Variants in ANKRD30A observed in about 807,000 individuals in gnomAD.
ANKRD30A encodes the protein ankyrin repeat domain-containing protein 30A.
ANKRD30A carries 170 observed loss-of-function variants against 166.3 expected under a neutral mutation model. That is an observed-to-expected ratio of 1.02 (90% CI 0.90 to 1.16). The LOEUF (loss-of-function observed/expected upper bound fraction) is 1.16. ANKRD30A is among the 50% of genes most tolerant of loss of function. The probability of loss-of-function intolerance (pLI) is 0.00; values close to 1 mark genes in which losing one functional copy is unlikely to be tolerated. For synonymous variants in ANKRD30A, 564 were observed against 508.9 expected, an observed-to-expected ratio of 1.11 and a Z score of -1.46; for missense variants, 1,630 against 1,518.0, an observed-to-expected ratio of 1.07 and a Z score of -1.23.
chr10:37,231,339 C>A, intron 34 of ANKRD30A, 122 bp from the exon 35 acceptor site: 2 of 683,262 alleles, frequency 2.9e-6, no homozygotes, highest in Non-Finnish European at 4.5e-6. Context: ...ATTGTTAAAG[C>A]ACGGCTTAAT....
At chr10:37,264,975 C>G in the ANKRD30A span, among the ~76,000 whole-genome samples, 1 of 152,060 alleles carries the variant, frequency 6.6e-6, no homozygotes, top group Non-Finnish European at 1.5e-5. Context: ...GAAACTGGAG[C>G]TATTTTGAGT....
chr10:37,177,986 C>A (rs1485409580), intron 24 of ANKRD30A, among the ~76,000 whole-genome samples: 4 of 149,998 alleles, frequency 2.7e-5, no homozygotes, highest in Admixed American at 1.3e-4. Context: ...TATTCCAAGA[C>A]GTGAGGAAAA....
At chr10:37,153,371 A>G (rs925960685) in intron 12 of ANKRD30A, among the ~76,000 whole-genome samples, 5 of 152,188 alleles carry the variant, frequency 3.3e-5, no homozygotes, top group African/African-American at 1.2e-4. Context: ...ACATGAATGT[A>G]AAGATCAGCT....
chr10:37,130,685 T>C (rs756571511), intron 3 of ANKRD30A, among the ~76,000 whole-genome samples: 1 of 152,158 alleles, frequency 6.6e-6, no homozygotes, highest in Admixed American at 6.5e-5. Context: ...AAAGCAAAAA[T>C]TGCCTGCATA....
Position 37,197,430 on chromosome 10 carries a change from C to T in ANKRD30A, c.2666C>T (p.Ser889Phe), listed in dbSNP as rs1841223262. The change falls in exon 29 of 36, where the codon TCT becomes TTT. Residue 889 changes from serine to phenylalanine, a missense_variant. Physicochemically the swap from Ser to Phe is radical, Grantham distance 155. This residue lies in a region of ANKRD30A where 712 missense variants were observed against 629.3 expected (regional missense o/e 1.13). Coordinates refer to ENST00000361713, the MANE Select transcript of ANKRD30A (RefSeq NM_052997.3). ...AFEPAIEMQK[S>F]VPNKALELKN... ...TAGCCTGCCATTGAAATGCAAAAGT[C>T]TGTTCCAAATAAAGCCTTGGAATTG... The T allele has an allele frequency of 1.4e-5, 23 of 1,612,628 alleles. No individual in the cohort carries two copies. Among genetic ancestry groups the T allele is most frequent in the Non-Finnish European group, 1.7e-5 (20 of 1,179,698 alleles).
rs529204518 is a variant in ANKRD30A at position 37,171,979 on chromosome 10, A to G, written c.2258-1733A>G. 8.6e-3 allele frequency among the ~76,000 whole-genome samples: 1,247 copies of G among 144,736 alleles called. 56 individuals carry two copies. The highest frequency in any genetic ancestry group is 0.031 in the African/African-American group (1,203 of 38,392). The allele number at this position is 144,736 out of a possible 152,430, so 95.0% of individuals were successfully genotyped here. ...TTGTCACTCCAGCAGTTTTATATTT[A>G]AAGTATACCTAATATAGTTGTCAAC... On this transcript the variant is annotated intron_variant, in intron 21 of 35. Coordinates refer to ENST00000361713, the MANE Select transcript of ANKRD30A (RefSeq NM_052997.3).
At chr10:37,178,794 T>A (rs1481668476) in intron 24 of ANKRD30A, among the ~76,000 whole-genome samples, 1 of 150,642 alleles carries the variant, frequency 6.6e-6, no homozygotes, top group Non-Finnish European at 1.5e-5. Context: ...GCAGAGAGAT[T>A]GTGAGGCAGG....
chr10:37,213,557 T>A (rs1271134881), intron 31 of ANKRD30A, among the ~76,000 whole-genome samples: 1 of 133,232 alleles, frequency 7.5e-6, no homozygotes, highest in Non-Finnish European at 1.6e-5. Flanking sequence ...CTTCTTCTTC[T>A]TTTTTTTTTT....
At chr10:37,232,697 T>TATATATATATAGAGAGAGAGAGAG (rs1273812991), downstream of ANKRD30A, 2 of 78,400 alleles carry the variant, frequency 2.6e-5, no homozygotes, top group African/African-American at 9.8e-5. Context: ...TATATATAAA[T>TATATATATATAGAGAGAGAGAGAG]AGAGAGAGAG....
chr10:37,179,013 AATATATATATATATATATATAT>A (rs139390228), intron 24 of ANKRD30A, among the ~76,000 whole-genome samples: 3,446 of 116,986 alleles, frequency 0.029, 43 homozygotes, highest in African/African-American at 0.057. Context: ...TGAGGCGTCA[AATATATATATATATATATATAT>A]ATATATATAT....
At chr10:37,152,593 T>C (rs533830483) in intron 12 of ANKRD30A, among the ~76,000 whole-genome samples, 1 of 152,226 alleles carries the variant, frequency 6.6e-6, no homozygotes, top group Admixed American at 6.5e-5. Flanking sequence ...TATTGTTCAG[T>C]ATAGATCTGA....
At chr10:37,143,932 G>A (rs1037795891) in intron 7 of ANKRD30A, among the ~76,000 whole-genome samples, 10 of 71,816 alleles carry the variant, frequency 1.4e-4, no homozygotes, top group Admixed American at 4.3e-4. Flanking sequence ...TTTTTTTTTT[G>A]TCACCAATCT....
intron 34 of ANKRD30A, among the ~76,000 whole-genome samples, chr10:37,224,829 T>G (rs1195495868): frequency 6.6e-6 from 1 of 151,602 alleles, no homozygotes; most frequent in Non-Finnish European, 1.5e-5. Flanking sequence ...AACTGCCTGT[T>G]TCCTTTTCCC....
rs558014233 is a variant in ANKRD30A at position 37,152,138 on chromosome 10, AT to A, written c.1707+26del. 222 of 1,562,198 alleles carry A rather than the reference AT, an allele frequency of 1.4e-4. 1 individual carries two copies. The highest frequency in any genetic ancestry group is 2.5e-4 in the South Asian group (22 of 87,412). ...GATTCTGAGGTACTATGTGTTATTG[AT>A]TTTTTTTTAATATTAGTATTGCATG... On this transcript the variant is annotated intron_variant, in intron 12 of 35. Coordinates refer to ENST00000361713, the MANE Select transcript of ANKRD30A (RefSeq NM_052997.3).
chr10:37,222,242 A>G (rs556242311), intron 34 of ANKRD30A, among the ~76,000 whole-genome samples: 24 of 151,322 alleles, frequency 1.6e-4, no homozygotes, highest in African/African-American at 5.8e-4. Context: ...TCTCTTAGTC[A>G]TCACCACCGC....
At chr10:37,195,163 T>C (rs1840975398) in intron 27 of ANKRD30A, among the ~76,000 whole-genome samples, 1 of 152,216 alleles carries the variant, frequency 6.6e-6, no homozygotes, top group African/African-American at 2.4e-5. Context: ...TTTTCAAAAA[T>C]GCATAAGGTT....
chr10:37,166,426 G>A (rs1409394111), intron 18 of ANKRD30A, among the ~76,000 whole-genome samples, 179 bp from the exon 19 acceptor site: 1 of 151,990 alleles, frequency 6.6e-6, no homozygotes, highest in Non-Finnish European at 1.5e-5. Flanking sequence ...GATGTAGAGA[G>A]GGTTATGTGA....
At chr10:37,197,678 C>T (rs531707038) in intron 29 of ANKRD30A, among the ~76,000 whole-genome samples, 198 bp downstream of exon 29, 1 of 151,866 alleles carries the variant, frequency 6.6e-6, no homozygotes, top group African/African-American at 2.4e-5. Flanking sequence ...AAAAATGTAG[C>T]CTTAATCTCA....
intron 27 of ANKRD30A, among the ~76,000 whole-genome samples, chr10:37,195,621 G>T (rs549919986): frequency 1.3e-5 from 2 of 152,278 alleles, no homozygotes; most frequent in South Asian, 2.1e-4. Context: ...GTGACCGGGT[G>T]CGGTGGCTCA....
Sources: gnomAD v4.1 joint callset for allele counts (sites outside exome capture counted in the v4.1 genomes callset) on GRCh38, gnomAD v4.1.1 for gene constraint, gnomAD v4.1.1 regional missense constraint, MANE v1.5 for transcripts, NCBI Gene and HGNC (gene_info 2026-07-23, HGNC 2026-07-21) for gene names.